The following CLPB variants were observed in gnomAD, a reference collection of about 807,000 sequenced individuals.
CLPB encodes the protein mitochondrial disaggregase.
Under a neutral mutation model 78.4 loss-of-function variants are expected in CLPB, and 40 were observed. The ratio of observed to expected loss-of-function variants is 0.51; its 90% confidence interval spans 0.40 to 0.66. The LOEUF is 0.66. Among genes scored for constraint, CLPB ranks in the 30% least tolerant of loss-of-function variants. The probability of loss-of-function intolerance (pLI) is 0.00; values close to 1 mark genes in which losing one functional copy is unlikely to be tolerated. For missense variants in CLPB, 780 were observed against 886.9 expected, an observed-to-expected ratio of 0.88 and a Z score of 1.53; for synonymous variants, 333 against 348.0, an observed-to-expected ratio of 0.96 and a Z score of 0.48.
At chr11:72,410,635 T>G (rs912126347) in intron 2 of CLPB, 1 of 152,180 alleles carries the variant, frequency 6.6e-6, no homozygotes, top group Admixed American at 6.5e-5. Context: ...TCCAAATTAC[T>G]GGAGGATAGA....
At chr11:72,376,561 TAAAA>T (rs61264751) in intron 4 of CLPB, among the ~76,000 whole-genome samples, 35 of 130,674 alleles carry the variant, frequency 2.7e-4, no homozygotes, top group Admixed American at 2.5e-3. Flanking sequence ...TAGAATTATT[TAAAA>T]AAAAAAAAAA....
chr11:72,433,071 C>G (rs1234282110), intron 1 of CLPB, among the ~76,000 whole-genome samples: 1 of 152,162 alleles, frequency 6.6e-6, no homozygotes, highest in African/African-American at 2.4e-5. Flanking sequence ...AGCCAGTCCC[C>G]CAGCAGTTGC....
chr11:72,424,730 C>G (rs572407534), intron 2 of CLPB, among the ~76,000 whole-genome samples: 3 of 152,164 alleles, frequency 2.0e-5, no homozygotes, highest in African/African-American at 7.2e-5. Context: ...TTGTAAAATA[C>G]AAAAAATTAG....
At position 72,395,769 on chromosome 11, in the gene CLPB, G is replaced by C. The variant is rs2135060099; in HGVS notation, c.542+7197C>G. Among the ~76,000 whole-genome samples, 2 of 152,318 alleles carry C rather than the reference G, an allele frequency of 1.3e-5. 1 individual carries two copies. The highest frequency in any genetic ancestry group is 1.3e-4 in the Admixed American group (2 of 15,300). ...GGCAGGACCGACTTCCATGTGGTTG[G>C]TCAGGTTCCCTAAGGACCTACTTTC... On this transcript the variant is annotated intron_variant, in intron 3 of 15. Transcript: ENST00000538039.
At position 72,291,607 on chromosome 11, in the gene CLPB, A is replaced by C. The variant is rs553272311; in HGVS notation, c.*1760T>G. 1 of 151,942 alleles carries C rather than the reference A, an allele frequency of 6.6e-6. No homozygotes were observed. Among genetic ancestry groups the C allele is most frequent in the South Asian group, 2.1e-4 (1 of 4,786 alleles). The allele number at this position is 151,942 out of a possible 1,614,324, so 9.4% of individuals were successfully genotyped here. On this transcript the variant is annotated 3_prime_UTR_variant, in exon 16 of 16. Coordinates refer to ENST00000538039, the MANE Select transcript of CLPB (RefSeq NM_001258392.3). ...ACAGGCATGAGCCACCACACCCGGC[A>C]ATTTCCTGGTTTTGATAAACTACAG...
At position 72,434,116 on chromosome 11, in the gene CLPB, G is replaced by C. The variant is rs1565107812; in HGVS notation, c.359C>G (p.Ala120Gly). 4 of 1,611,726 alleles carry C rather than the reference G, an allele frequency of 2.5e-6. No homozygotes were observed. The highest frequency in any genetic ancestry group is 3.3e-4 in the Middle Eastern group (2 of 6,084). The change falls in exon 1 of 16, where the codon GCA becomes GGA. Residue 120 changes from alanine to glycine, a missense_variant. Coordinates refer to ENST00000538039, the MANE Select transcript of CLPB (RefSeq NM_001258392.3). ...GCTGTAGCAATGAACCACCAGCGCTGCGGCCAGGGCGCACATGCCCAGTCC... is the reference window on the plus strand; with the variant it reads ...GCTGTAGCAATGAACCACCAGCGCTCCGGCCAGGGCGCACATGCCCAGTCC... The part of the protein sequence containing the change: ...RAGLGMCALA[A>G]ALVVHCYSKS...
intron 6 of CLPB, among the ~76,000 whole-genome samples, chr11:72,326,487 A>G (rs902371184): frequency 6.6e-5 from 10 of 152,160 alleles, no homozygotes; most frequent in East Asian, 5.8e-4. Context: ...GTATCTCTAA[A>G]ACTTCTATAA....
intron 7 of CLPB, among the ~76,000 whole-genome samples, chr11:72,311,464 G>C (rs546541099): frequency 9.8e-5 from 15 of 152,290 alleles, no homozygotes; most frequent in African/African-American, 3.1e-4. Flanking sequence ...CCATTTTATA[G>C]GTGAGGAAAC....
chr11:72,395,624 T>C (rs1855382400), intron 3 of CLPB, among the ~76,000 whole-genome samples: 2 of 152,234 alleles, frequency 1.3e-5, no homozygotes, highest in Admixed American at 6.5e-5. Flanking sequence ...TCATCATTAC[T>C]ACAGTCAGGA....
At chr11:72,344,007 T>TATGA (rs1010127831) in intron 5 of CLPB, among the ~76,000 whole-genome samples, 1 of 152,168 alleles carries the variant, frequency 6.6e-6, no homozygotes, top group Non-Finnish European at 1.5e-5. Context: ...CCTATGGTCA[T>TATGA]GGGCAATACT....
intron 2 of CLPB, among the ~76,000 whole-genome samples, chr11:72,418,415 T>C (rs1398170489): frequency 6.6e-6 from 1 of 152,166 alleles, no homozygotes; most frequent in Admixed American, 6.5e-5. Context: ...TCAATTATCA[T>C]CCCTACTTTG....
chr11:72,415,472 C>A lies in CLPB; in HGVS notation c.456-12420G>T, dbSNP rs748828001. Among the ~76,000 whole-genome samples the A allele has an allele frequency of 3.9e-5, 6 of 152,316 alleles. No homozygotes were observed. The South Asian group carries it at 1.2e-3, about 32-fold the overall frequency. On this transcript the variant is annotated intron_variant, in intron 2 of 15. Transcript: ENST00000538039. ...TGTTTAGTCCTGAAGCTTCCTAGAA[C>A]CTTCTCTCTTGGAAGTTCTAGTTCC...
Position 72,293,302 on chromosome 11 carries a change from T to C in CLPB, c.*65A>G, listed in dbSNP as rs75570162. The C allele has an allele frequency of 2.0e-3, 3,090 of 1,570,976 alleles. 55 individuals carry two copies. In the African/African-American group the frequency reaches 0.038, roughly 20 times the overall value. On this transcript the variant is annotated 3_prime_UTR_variant, in exon 16 of 16. Coordinates refer to ENST00000538039, the MANE Select transcript of CLPB (RefSeq NM_001258392.3). ...CGGCATGAGGGGAAGGTAAGTCAGT[T>C]GCCATGCCACAGCCAAGGGGCCTTT...
At chr11:72,424,789 G>A (rs1856319651) in intron 2 of CLPB, among the ~76,000 whole-genome samples, 1 of 152,062 alleles carries the variant, frequency 6.6e-6, no homozygotes, top group Non-Finnish European at 1.5e-5. Context: ...GGGAGGCTGA[G>A]GCAGGAGAAT....
intron 4 of CLPB, among the ~76,000 whole-genome samples, chr11:72,374,166 AGGCAGGCTT>A (rs1951097472): frequency 6.6e-6 from 1 of 152,040 alleles, no homozygotes; most frequent in Non-Finnish European, 1.5e-5. Flanking sequence ...AATACCTCCT[AGGCAGGCTT>A]CCTGCTTTAC....
At chr11:72,329,838 T>A (rs1338775704) in intron 5 of CLPB, 34 bp from the exon 6 acceptor site, 1 of 1,551,640 alleles carries the variant, frequency 6.4e-7, no homozygotes, top group East Asian at 2.3e-5. Flanking sequence ...AGAGGCTCTA[T>A]GAACGATCAG....
chr11:72,370,192 C>T (rs950779154), intron 4 of CLPB, among the ~76,000 whole-genome samples: 1 of 152,108 alleles, frequency 6.6e-6, no homozygotes, highest in Non-Finnish European at 1.5e-5. Flanking sequence ...ATATGTAAAT[C>T]AGTTAAAAAT....
intron 4 of CLPB, among the ~76,000 whole-genome samples, chr11:72,367,113 T>A (rs1412415051): frequency 6.6e-6 from 1 of 152,230 alleles, no homozygotes; most frequent in Non-Finnish European, 1.5e-5. Flanking sequence ...GCCATCATCC[T>A]AAGCAAATTA....
chr11:72,382,754 T>C (rs1854954815), intron 3 of CLPB, among the ~76,000 whole-genome samples: 1 of 152,014 alleles, frequency 6.6e-6, no homozygotes, highest in East Asian at 1.9e-4. Flanking sequence ...ACTGGATAAG[T>C]TCCTACTTTT....
Sources: allele counts gnomAD v4.1 joint callset (sites outside exome capture counted in the v4.1 genomes callset), GRCh38; gene constraint gnomAD v4.1.1; transcripts MANE v1.5; gene names NCBI Gene and HGNC (gene_info 2026-07-23, HGNC 2026-07-21).